TTC7B: variants seen among roughly 807,000 people sequenced by gnomAD.
TTC7B encodes the protein tetratricopeptide repeat domain 7B.
In TTC7B, 28 loss-of-function variants were observed where a neutral mutation model predicts 106.8. That is an observed-to-expected ratio of 0.26 (90% CI 0.19 to 0.36). TTC7B has a LOEUF of 0.36. Among genes scored for constraint, TTC7B ranks in the 10% least tolerant of loss-of-function variants. The pLI is 1.00. For synonymous variants in TTC7B, 405 were observed against 430.6 expected, an observed-to-expected ratio of 0.94 and a Z score of 0.74; for missense variants, 862 against 1,076.4, an observed-to-expected ratio of 0.80 and a Z score of 2.79.
At chr14:90,623,575 T>C (rs1595217267) in intron 15 of TTC7B, among the ~76,000 whole-genome samples, 1 of 152,192 alleles carries the variant, frequency 6.6e-6, no homozygotes, top group South Asian at 2.1e-4. Flanking sequence ...TACAATCCAA[T>C]TGGAGAAAAA....
intron 1 of TTC7B, 129 bp downstream of exon 1, chr14:90,816,046 T>A: frequency 2.1e-6 from 2 of 958,186 alleles, no homozygotes; most frequent in Non-Finnish European, 2.5e-6. Context: ...GCACATCCCC[T>A]GGGCCGCAGC....
At chr14:90,547,949 G>A (rs1889907142) in intron 19 of TTC7B, among the ~76,000 whole-genome samples, 1 of 152,202 alleles carries the variant, frequency 6.6e-6, no homozygotes, top group African/African-American at 2.4e-5. Flanking sequence ...CCTTCCCAAG[G>A]AGAAGCCATT....
intron 3 of TTC7B, among the ~76,000 whole-genome samples, 173 bp downstream of exon 3, chr14:90,780,565 A>G (rs1199950438): frequency 6.6e-6 from 1 of 152,206 alleles, no homozygotes; most frequent in Non-Finnish European, 1.5e-5. Flanking sequence ...TGGAGGGACA[A>G]ATCCCTGCTG....
intron 4 of TTC7B, among the ~76,000 whole-genome samples, chr14:90,731,305 C>T (rs1346347296): frequency 6.6e-6 from 1 of 152,174 alleles, no homozygotes; most frequent in East Asian, 1.9e-4. Context: ...GGAAAGCCTA[C>T]TTGTGGCTCA....
chr14:90,755,537 T>C (rs1890262309), intron 3 of TTC7B, among the ~76,000 whole-genome samples: 1 of 152,138 alleles, frequency 6.6e-6, no homozygotes, highest in Non-Finnish European at 1.5e-5. Flanking sequence ...TGCACACATG[T>C]AGTCCCAGCT....
rs1555401062 is a variant in TTC7B at position 90,802,968 on chromosome 14, C to CTA, written c.121+13205_121+13206dup. On this transcript the variant is annotated intron_variant, in intron 1 of 19. Coordinates refer to ENST00000328459, the MANE Select transcript of TTC7B (RefSeq NM_001010854.2). The surrounding 1 kb of genome is among the most constrained non-coding windows in gnomAD (Gnocchi z 4.7). ...CCAACATGGTGAAACCCCATCTCTG[C>CTA]TAAAAAAAAAAAAAAATACAAAAAA... Among the ~76,000 whole-genome samples, 11 of 62,620 alleles carry CTA rather than the reference C, an allele frequency of 1.8e-4. No individual in the cohort carries two copies. The highest frequency in any genetic ancestry group is 5.2e-4 in the African/African-American group (11 of 21,108). The allele number at this position is 62,620 out of a possible 152,430, so 41.1% of individuals were successfully genotyped here.
intron 19 of TTC7B, among the ~76,000 whole-genome samples, chr14:90,543,974 C>T (rs1018112050): frequency 3.3e-4 from 51 of 152,356 alleles, no homozygotes; most frequent in Non-Finnish European, 6.6e-4. Context: ...ACCTGGCTTC[C>T]ATAAGCCCCC....
intron 15 of TTC7B, among the ~76,000 whole-genome samples, chr14:90,636,194 G>A (rs1161415620): frequency 6.6e-6 from 1 of 151,718 alleles, no homozygotes; most frequent in Non-Finnish European, 1.5e-5. Flanking sequence ...GTATACATGT[G>A]TGTATACTCA....
At chr14:90,703,796 C>A (rs994613374) in intron 5 of TTC7B, among the ~76,000 whole-genome samples, 5 of 152,186 alleles carry the variant, frequency 3.3e-5, no homozygotes, top group Non-Finnish European at 7.4e-5. Context: ...TGATATTTTT[C>A]TTGGGGAAAC....
chr14:90,549,127 C>CA (rs34890535), intron 19 of TTC7B, among the ~76,000 whole-genome samples: 14,084 of 103,402 alleles, frequency 0.14, 799 homozygotes, highest in African/African-American at 0.17. Flanking sequence ...GACTCCGTCT[C>CA]AAAAAAAAAA....
chr14:90,586,934 T>C (rs1891740071), intron 18 of TTC7B, among the ~76,000 whole-genome samples: 1 of 152,168 alleles, frequency 6.6e-6, no homozygotes, highest in African/African-American at 2.4e-5. Flanking sequence ...TCCTTCTGTA[T>C]TCCTCCTTTT....
intron 1 of TTC7B, among the ~76,000 whole-genome samples, chr14:90,806,053 C>A (rs1409265216): frequency 6.6e-6 from 1 of 152,218 alleles, no homozygotes; most frequent in Non-Finnish European, 1.5e-5. Flanking sequence ...AAAAAAAAGT[C>A]AACAATTCCG....
At chr14:90,749,402 CTTTTTTTTT>C (rs3085716) in intron 3 of TTC7B, among the ~76,000 whole-genome samples, 5 of 117,202 alleles carry the variant, frequency 4.3e-5, no homozygotes, top group Admixed American at 8.9e-5. Context: ...AATAATTTTT[CTTTTTTTTT>C]TTTTTTTTTT....
At position 90,757,900 on chromosome 14, in the gene TTC7B, C is replaced by T. The variant is rs368617281; in HGVS notation, c.446-12978G>A. On this transcript the variant is annotated intron_variant, in intron 3 of 19. Coordinates refer to ENST00000328459, the MANE Select transcript of TTC7B (RefSeq NM_001010854.2). The surrounding 1 kb of genome is among the most constrained non-coding windows in gnomAD (Gnocchi z 4.1). The stretch of plus-strand genomic sequence containing the variant: ...CTTCAATTCCTGCTAAAGCAGGAAA[C>T]GCACCTTTACATCCTTTCTCTTTGT... Among the ~76,000 whole-genome samples the T allele has an allele frequency of 6.6e-6, 1 of 152,152 alleles. No individual in the cohort carries two copies. The highest frequency in any genetic ancestry group is 1.9e-4 in the East Asian group (1 of 5,196).
intron 5 of TTC7B, among the ~76,000 whole-genome samples, chr14:90,705,126 A>G (rs972394957): frequency 4.6e-5 from 7 of 152,222 alleles, no homozygotes; most frequent in African/African-American, 1.7e-4. Context: ...AGTCCCCACA[A>G]GAGACTGGGC....
chr14:90,758,547 C>A (rs1009645393), intron 3 of TTC7B, among the ~76,000 whole-genome samples: 11 of 152,298 alleles, frequency 7.2e-5, no homozygotes, highest in Admixed American at 2.0e-4. Flanking sequence ...GCAACTGTGG[C>A]GCGCGACTGC....
At chr14:90,562,456 G>A (rs1342977952) in intron 19 of TTC7B, among the ~76,000 whole-genome samples, 2 of 152,174 alleles carry the variant, frequency 1.3e-5, no homozygotes, top group African/African-American at 4.8e-5. Flanking sequence ...AGCTTCCAGT[G>A]CAATCTCTCT....
At chr14:90,590,905 A>G (rs571263071) in intron 18 of TTC7B, among the ~76,000 whole-genome samples, 1 of 152,362 alleles carries the variant, frequency 6.6e-6, no homozygotes, top group East Asian at 1.9e-4. Context: ...TACAGGGTCG[A>G]CAGTCACTTT....
intron 3 of TTC7B, among the ~76,000 whole-genome samples, chr14:90,761,266 T>G (rs946056977): frequency 1.3e-4 from 20 of 152,338 alleles, no homozygotes; most frequent in Admixed American, 1.2e-3. Context: ...TCACAAGATT[T>G]GCAACTTCCC....
Sources: gnomAD v4.1 joint callset for allele counts (sites outside exome capture counted in the v4.1 genomes callset) on GRCh38, gnomAD v4.1.1 for gene constraint, Gnocchi (gnomAD v3.1) non-coding constraint, MANE v1.5 for transcripts, NCBI Gene and HGNC (gene_info 2026-07-23, HGNC 2026-07-21) for gene names.